MORN1: variants seen among roughly 807,000 people sequenced by gnomAD.
The protein encoded by MORN1 is MORN repeat containing 1, also known as MORN repeat-containing protein 1.
Under a neutral mutation model 61.9 loss-of-function variants are expected in MORN1, and 67 were observed. The observed-to-expected ratio is 1.08, with a 90% CI of 0.89 to 1.33. MORN1 has a LOEUF of 1.33. Ranked by LOEUF, MORN1 falls within the 40% of genes most tolerant of loss-of-function variation. The pLI is 0.00. For synonymous variants in MORN1, 301 were observed against 292.0 expected (o/e 1.03, Z -0.31); for missense variants, 752 against 691.2 (o/e 1.09, Z -0.99).
chr1:2,334,993 G>A lies in MORN1; in HGVS notation c.1250+1476C>T, dbSNP rs1299727046. 2.6e-5 allele frequency among the ~76,000 whole-genome samples: 4 copies of A among 152,214 alleles called. No individual in the cohort carries two copies. Among genetic ancestry groups the A allele is most frequent in the African/African-American group, 7.2e-5 (3 of 41,458 alleles). On this transcript the variant is annotated intron_variant, in intron 12 of 13. Coordinates refer to ENST00000378531, the MANE Select transcript of MORN1 (RefSeq NM_024848.3). This position sits in a 1 kb window ranked among gnomAD's most constrained non-coding sequence, Gnocchi z 5.4. Reference sequence around the variant, plus strand: ...GGCTCTCGCAGACGCTCCTGAGGCCGAGTCACTGGGCAAACAGGGCCCCAG... The same window carrying A: ...GGCTCTCGCAGACGCTCCTGAGGCCAAGTCACTGGGCAAACAGGGCCCCAG...
chr1:2,324,652 C>T (rs1569902037), intron 12 of MORN1, among the ~76,000 whole-genome samples: 4 of 152,150 alleles, frequency 2.6e-5, no homozygotes, highest in South Asian at 4.1e-4. Context: ...AGTGCCATGA[C>T]TGGGAAAGGA....
chr1:2,330,353 C>T (rs1569918759), intron 12 of MORN1, among the ~76,000 whole-genome samples: 2 of 152,238 alleles, frequency 1.3e-5, no homozygotes, highest in South Asian at 4.1e-4. Flanking sequence ...CAAGGCCATT[C>T]TCCTGGCTCC....
In MORN1 at chr1:2,366,987, CATAGAAAAACACATAGAAAAAT is replaced by C. The variant is rs1241914232; in HGVS notation, c.745+5472_745+5493del. On this transcript the variant is annotated intron_variant, in intron 8 of 13. Transcript: ENST00000378531. ...ACATAGAAAAATACATAGAAAAATA[CATAGAAAAACACATAGAAAAAT>C]ACATAGAAAAATACGTAGAAAAACA... Among the ~76,000 whole-genome samples, 470 of 151,084 alleles carry C rather than the reference CATAGAAAAACACATAGAAAAAT, an allele frequency of 3.1e-3. 3 individuals carry two copies. The highest frequency in any genetic ancestry group is 0.011 in the African/African-American group (447 of 41,332).
At chr1:2,338,388 G>A (rs1365370542) in intron 10 of MORN1, among the ~76,000 whole-genome samples, 1 of 152,212 alleles carries the variant, frequency 6.6e-6, no homozygotes, top group Non-Finnish European at 1.5e-5. Context: ...GAGCTGCACT[G>A]CTGACGGCAT....
At chr1:2,375,463 G>C (rs1168835479) in intron 6 of MORN1, 3 of 152,526 alleles carry the variant, frequency 2.0e-5, no homozygotes, top group Non-Finnish European at 4.4e-5. Context: ...TCAGGGACAA[G>C]TGGATGGCGC....
At chr1:2,344,042 C>T (rs368085009) in intron 10 of MORN1, among the ~76,000 whole-genome samples, 21 of 152,214 alleles carry the variant, frequency 1.4e-4, no homozygotes, top group South Asian at 1.2e-3. Context: ...TCCCGGCCAT[C>T]GGCCTTCTTT....
intron 10 of MORN1, among the ~76,000 whole-genome samples, chr1:2,339,499 G>T (rs912582290): frequency 6.6e-6 from 1 of 152,194 alleles, no homozygotes; most frequent in Non-Finnish European, 1.5e-5. Flanking sequence ...AAAGTTGGGG[G>T]TCAGCCTCGT....
intron 8 of MORN1, among the ~76,000 whole-genome samples, chr1:2,370,966 G>A (rs1464054840): frequency 6.6e-6 from 1 of 152,030 alleles, no homozygotes; most frequent in African/African-American, 2.4e-5. Context: ...AGCACTTTGG[G>A]AGGCCAAGGC....
intron 10 of MORN1, among the ~76,000 whole-genome samples, chr1:2,349,119 C>T (rs1003484115): frequency 3.9e-5 from 6 of 152,172 alleles, no homozygotes; most frequent in Non-Finnish European, 7.3e-5. Flanking sequence ...AGCAGGGGCT[C>T]GGAGACCCCG....
chr1:2,370,518 T>C (rs1326064233), intron 8 of MORN1, among the ~76,000 whole-genome samples: 1 of 152,196 alleles, frequency 6.6e-6, no homozygotes, highest in Non-Finnish European at 1.5e-5. Flanking sequence ...AAACTTTTGC[T>C]GTTCCAAAGA....
chr1:2,390,121 CA>C, intron 1 of MORN1, 125 bp from the exon 2 acceptor site: 2 of 868,550 alleles, frequency 2.3e-6, no homozygotes, highest in East Asian at 4.9e-5. Context: ...TCACCTTCAG[CA>C]GACCAGAGGC....
rs758666875 is a variant in MORN1 at position 2,374,512 on chromosome 1, G to T, written c.583C>A (p.His195Asn). ...CCATAATAGGTGACCCCTGAGCAGT[G>T]GGCCATGCTGCCCAGTCCACTGAAG... ...DVFSGLGSMA[H>N]CSGVTYYGLW... Residue 195 changes from histidine (H) to asparagine (N), a missense_variant, in exon 7 of 14, where the codon CAC (histidine) becomes AAC (asparagine). Coordinates refer to ENST00000378531, the MANE Select transcript of MORN1 (RefSeq NM_024848.3). 90 of 1,603,834 alleles carry T rather than the reference G, an allele frequency of 5.6e-5. No individual in the cohort carries two copies. The highest frequency in any genetic ancestry group is 5.1e-5 in the Non-Finnish European group (60 of 1,175,916).
chr1:2,345,636 T>C (rs564681117), intron 10 of MORN1, among the ~76,000 whole-genome samples: 107 of 152,206 alleles, frequency 7.0e-4, no homozygotes, highest in Non-Finnish European at 9.4e-4. Flanking sequence ...GCCGGCAACA[T>C]AGGGGCTCTG....
intron 6 of MORN1, among the ~76,000 whole-genome samples, chr1:2,381,036 C>T (rs953202595): frequency 2.6e-5 from 4 of 152,188 alleles, no homozygotes; most frequent in East Asian, 1.9e-4. Flanking sequence ...GCACTGTGAC[C>T]GGAGGGCCCA....
chr1:2,339,518 C>A (rs1641350430), intron 10 of MORN1, among the ~76,000 whole-genome samples: 1 of 152,210 alleles, frequency 6.6e-6, no homozygotes, highest in East Asian at 1.9e-4. Flanking sequence ...GTTGCCCCTG[C>A]ACCATATCCT....
At chr1:2,338,910 C>G (rs1052565978) in intron 10 of MORN1, among the ~76,000 whole-genome samples, 3 of 152,108 alleles carry the variant, frequency 2.0e-5, no homozygotes, top group Admixed American at 2.0e-4. Flanking sequence ...CGAGGCTCAG[C>G]CAGGTAAAGG....
chr1:2,367,462 A>G (rs1642022331), intron 8 of MORN1, among the ~76,000 whole-genome samples: 1 of 151,804 alleles, frequency 6.6e-6, no homozygotes, highest in African/African-American at 2.4e-5. Context: ...TCTACAAAAA[A>G]AAAAATTACA....
At position 2,324,170 on chromosome 1, in the gene MORN1, T is replaced by C. The variant is rs372981156; in HGVS notation, c.1251-27A>G. 6.3e-5 allele frequency: 100 copies of C among 1,584,172 alleles called. 2 individuals carry two copies. In the South Asian group the frequency reaches 7.6e-4, roughly 12 times the overall value. ...TGTGGAGACGACACAGTGAGGCCCC[T>C]GAATGCCCTGCCTGGGCCCCGACGA... is the stretch of plus-strand genomic sequence containing the variant. On this transcript the variant is annotated intron_variant, in intron 12 of 13. Coordinates refer to ENST00000378531, the MANE Select transcript of MORN1 (RefSeq NM_024848.3).
chr1:2,378,717 GTCT>G, intron 6 of MORN1: 1 of 359,158 alleles, frequency 2.8e-6, no homozygotes, highest in African/African-American at 2.1e-5. Context: ...CCTCTACTCT[GTCT>G]GCTCCGTCTC....
Sources: gnomAD v4.1 joint callset for allele counts (sites outside exome capture counted in the v4.1 genomes callset) on GRCh38, gnomAD v4.1.1 for gene constraint, Gnocchi (gnomAD v3.1) non-coding constraint, MANE v1.5 for transcripts, NCBI Gene and HGNC (gene_info 2026-07-23, HGNC 2026-07-21) for gene names.